Variants in ZEB2 observed in about 807,000 individuals in gnomAD.
The protein encoded by ZEB2 is zinc finger E-box-binding homeobox 2.
Under a neutral mutation model 99.9 loss-of-function variants are expected in ZEB2, and 6 were observed. That is an observed-to-expected ratio of 0.06 (90% CI 0.03 to 0.12). The LOEUF (loss-of-function observed/expected upper bound fraction) is 0.12, where lower values mean the gene tolerates loss of function less well. Among genes scored for constraint, ZEB2 ranks in the 10% least tolerant of loss-of-function variants. The pLI is 1.00. For missense variants in ZEB2, 969 were observed against 1,502.8 expected, an observed-to-expected ratio of 0.64 and a Z score of 5.87; for synonymous variants, 517 against 542.5, an observed-to-expected ratio of 0.95 and a Z score of 0.65.
chr2:144,474,469 A>T (rs1443711686), intron 2 of ZEB2, among the ~76,000 whole-genome samples: 4 of 152,200 alleles, frequency 2.6e-5, no homozygotes, highest in Non-Finnish European at 4.4e-5. Context: ...CTGCCTAAAT[A>T]TGTTGTTATT....
At chr2:144,502,881 T>C (rs1704894629) in intron 2 of ZEB2, among the ~76,000 whole-genome samples, 1 of 152,130 alleles carries the variant, frequency 6.6e-6, no homozygotes, top group African/African-American at 2.4e-5. Context: ...AGTGGTGATG[T>C]GCCTACCCTT....
In ZEB2 at chr2:144,384,207, A is replaced by G. The variant is rs935722652; in HGVS notation, c.*5244T>C. 9.9e-5 allele frequency: 15 copies of G among 152,058 alleles called. No individual in the cohort carries two copies. Among genetic ancestry groups the G allele is most frequent in the African/African-American group, 3.6e-4 (15 of 41,422 alleles). 9.4% of individuals were successfully genotyped at this position (152,058 alleles called of 1,614,324 possible). A position where few individuals can be genotyped will look rare whatever the true frequency, so the allele number is the denominator to read the frequency against. On this transcript the variant is annotated 3_prime_UTR_variant, in exon 10 of 10. Coordinates refer to ENST00000627532, the MANE Select transcript of ZEB2 (RefSeq NM_014795.4). Reference sequence around the variant, plus strand: ...ACAGTAGTGTTCATTTTCTATTTTCAGTATTTTGGAGCATTTTAACATGTC... The same window carrying G: ...ACAGTAGTGTTCATTTTCTATTTTCGGTATTTTGGAGCATTTTAACATGTC...
chr2:144,452,793 T>C (rs1359215704), intron 2 of ZEB2, among the ~76,000 whole-genome samples: 3 of 152,112 alleles, frequency 2.0e-5, no homozygotes, highest in Admixed American at 6.6e-5. Flanking sequence ...ACTCTTCCCC[T>C]TAAAGAGAAA....
At chr2:144,511,395 T>G in intron 2 of ZEB2, 1 of 1,209,196 alleles carries the variant, frequency 8.3e-7, no homozygotes, top group Non-Finnish European at 1.0e-6. Context: ...CACCTTAAAA[T>G]GAAATCCTTT....
chr2:144,424,963 GA>G lies in ZEB2; in HGVS notation c.332-97del, dbSNP rs1703672489. On this transcript the variant is annotated intron_variant, in intron 3 of 9. Transcript: ENST00000627532. ...AGGAACAAGGAAGATTCTTTTAAAGGAAACAGAGAAAAGGCTTGTTGTAGAC... is the reference window on the plus strand; with the variant it reads ...AGGAACAAGGAAGATTCTTTTAAAGGAACAGAGAAAAGGCTTGTTGTAGAC... The G allele has an allele frequency of 3.0e-6, 4 of 1,340,080 alleles. No homozygotes were observed. In the East Asian group the frequency reaches 9.4e-5, roughly 31 times the overall value. The allele number at this position is 1,340,080 out of a possible 1,614,324, so 83.0% of individuals were successfully genotyped here.
At chr2:144,440,511 ATATATTTTTTTTTT>A (rs1472372526) in intron 2 of ZEB2, among the ~76,000 whole-genome samples, 100 of 30,216 alleles carry the variant, frequency 3.3e-3, no homozygotes, top group Middle Eastern at 0.014. Context: ...ATATATATAT[ATATATTTTTTTTTT>A]TTTTTTTTTT....
At chr2:144,477,800 T>A (rs1001300461) in intron 2 of ZEB2, among the ~76,000 whole-genome samples, 1 of 152,216 alleles carries the variant, frequency 6.6e-6, no homozygotes, top group Non-Finnish European at 1.5e-5. Context: ...AGAGACTTAT[T>A]ACCTTACAAG....
intron 4 of ZEB2, among the ~76,000 whole-genome samples, chr2:144,414,542 C>T (rs1411489404): frequency 6.6e-6 from 1 of 151,884 alleles, no homozygotes; most frequent in Non-Finnish European, 1.5e-5. Flanking sequence ...GTTCATGCTT[C>T]CAGTAAAATT....
intron 2 of ZEB2, chr2:144,503,721 T>C (rs1036352634): frequency 6.7e-6 from 1 of 150,212 alleles, no homozygotes; most frequent in African/African-American, 2.5e-5. Context: ...TTTGCAATCA[T>C]AGAATTTTTC....
At chr2:144,494,976 G>A (rs918588259) in intron 2 of ZEB2, 3 of 152,192 alleles carry the variant, frequency 2.0e-5, no homozygotes, top group Non-Finnish European at 4.4e-5. Context: ...ATTTCTTCAA[G>A]AAGTAACCTC....
intron 2 of ZEB2, among the ~76,000 whole-genome samples, chr2:144,471,283 C>A (rs1704351544): frequency 6.6e-6 from 1 of 152,106 alleles, no homozygotes; most frequent in African/African-American, 2.4e-5. Flanking sequence ...GCTGGTTATC[C>A]ATTTTTTAAA....
chr2:144,409,661 G>C (rs566981088), intron 4 of ZEB2, among the ~76,000 whole-genome samples: 5 of 152,102 alleles, frequency 3.3e-5, no homozygotes, highest in Admixed American at 6.5e-5. Context: ...CTTCTCTAAG[G>C]TTAGATAACC....
intron 2 of ZEB2, among the ~76,000 whole-genome samples, chr2:144,507,216 G>A (rs1053408578): frequency 3.3e-5 from 5 of 152,106 alleles, no homozygotes; most frequent in Admixed American, 3.3e-4. Flanking sequence ...AGTGTTGTGT[G>A]GGTTTAAGAT....
chr2:144,399,790 A>G lies in ZEB2; in HGVS notation c.1397T>C (p.Ile466Thr). Residue 466 changes from isoleucine to threonine, a missense_variant, in exon 8 of 10, where the codon ATT (isoleucine) becomes ACT (threonine). Ile to Thr is a moderately conservative substitution (Grantham distance 89). This residue lies in a region of ZEB2 where 227 missense variants were observed against 278.2 expected (regional missense o/e 0.82). Transcript: ENST00000627532. The surrounding 1 kb of genome is among the most constrained non-coding windows in gnomAD (Gnocchi z 5.6). ...TTGCCTGGAAACAGTATTGTCCACA[A>G]TCTGTAGAACCTTTTGTACCTCACT... The part of the protein sequence containing the change: ...NLSEVQKVLQ[I>T]VDNTVSRQKM... 6.2e-7 allele frequency: 1 copy of G among 1,614,116 alleles called. No individual in the cohort carries two copies. The highest frequency in any genetic ancestry group is 8.5e-7 in the Non-Finnish European group (1 of 1,180,014).
chr2:144,510,707 T>G (rs1044721008), intron 2 of ZEB2, among the ~76,000 whole-genome samples: 2 of 152,078 alleles, frequency 1.3e-5, no homozygotes, highest in African/African-American at 4.8e-5. Flanking sequence ...TCTCTCTCTC[T>G]CTCTCTCTCT....
chr2:144,465,183 T>C (rs115100989), intron 2 of ZEB2, among the ~76,000 whole-genome samples: 219 of 152,300 alleles, frequency 1.4e-3, no homozygotes, highest in African/African-American at 4.2e-3. Context: ...TACAACTCAA[T>C]CATAACTCTT....
At chr2:144,426,766 C>T (rs541916350) in intron 3 of ZEB2, 1 of 152,224 alleles carries the variant, frequency 6.6e-6, no homozygotes, top group Admixed American at 6.5e-5. Context: ...GTCACTTTTA[C>T]CTAGAAAGTA....
At position 144,389,440 on chromosome 2, in the gene ZEB2, G is replaced by A. The variant is rs1703124682; in HGVS notation, c.*11C>T. The A allele has an allele frequency of 6.2e-7, 1 of 1,613,568 alleles. No individual in the cohort carries two copies. The highest frequency in any genetic ancestry group is 1.3e-5 in the African/African-American group (1 of 74,878). ...GAAAAAAAAATAGGAAGCTTAAAATGCAGTAGTTTATTACATGCCATCTTC... is the reference window on the plus strand; with the variant it reads ...GAAAAAAAAATAGGAAGCTTAAAATACAGTAGTTTATTACATGCCATCTTC... On this transcript the variant is annotated 3_prime_UTR_variant, in exon 10 of 10. Coordinates refer to ENST00000627532, the MANE Select transcript of ZEB2 (RefSeq NM_014795.4). This position sits in a 1 kb window ranked among gnomAD's most constrained non-coding sequence, Gnocchi z 6.8.
In ZEB2 at chr2:144,486,679, G is replaced by A. The variant is rs551476206; in HGVS notation, c.73+30599C>T. ...TTATCATGTATCCAAAAGGGAGGGT[G>A]TAATTTTCACATCTGATTACAAGGG... On this transcript the variant is annotated intron_variant, in intron 2 of 9. Transcript: ENST00000627532. Among the ~76,000 whole-genome samples the A allele has an allele frequency of 2.2e-4, 34 of 152,256 alleles. No homozygotes were observed. In the East Asian group the frequency reaches 6.4e-3, roughly 28 times the overall value.
Sources: gnomAD v4.1 joint callset for allele counts (sites outside exome capture counted in the v4.1 genomes callset) on GRCh38, gnomAD v4.1.1 for gene constraint, gnomAD v4.1.1 regional missense constraint, Gnocchi (gnomAD v3.1) non-coding constraint, MANE v1.5 for transcripts, NCBI Gene and HGNC (gene_info 2026-07-23, HGNC 2026-07-21) for gene names.